Variants in SIPA1L3 observed in about 807,000 individuals in gnomAD.
SIPA1L3 encodes the protein signal induced proliferation associated 1 like 3, also known as signal-induced proliferation-associated 1-like protein 3.
A neutral mutation model predicts 150.1 loss-of-function variants in SIPA1L3; 59 were observed. The ratio of observed to expected loss-of-function variants is 0.39; its 90% confidence interval spans 0.32 to 0.49. The LOEUF (loss-of-function observed/expected upper bound fraction) is 0.49, where lower values mean the gene tolerates loss of function less well. Ranked by LOEUF, SIPA1L3 falls within the 20% of genes least tolerant of loss-of-function variation. The pLI is 0.86. For missense variants in SIPA1L3, 2,211 were observed against 2,489.5 expected (o/e 0.89, Z 2.38); for synonymous variants, 1,070 against 1,077.6 (o/e 0.99, Z 0.14).
intron 1 of SIPA1L3, among the ~76,000 whole-genome samples, chr19:37,920,658 G>T (rs1568463959): frequency 6.6e-6 from 1 of 152,172 alleles, no homozygotes; most frequent in Non-Finnish European, 1.5e-5. Flanking sequence ...TGTACATACA[G>T]GGGAATTCCC....
intron 1 of SIPA1L3, among the ~76,000 whole-genome samples, chr19:37,953,926 G>T (rs140684265): frequency 0.012 from 1,776 of 152,200 alleles, 27 homozygotes; most frequent in Middle Eastern, 0.024. Flanking sequence ...CTCCCCAAAA[G>T]AATTTTGATA....
At chr19:38,074,269 T>C (rs1392169552) in intron 2 of SIPA1L3, among the ~76,000 whole-genome samples, 2 of 152,210 alleles carry the variant, frequency 1.3e-5, no homozygotes, top group Non-Finnish European at 2.9e-5. Context: ...TGCAAGAACA[T>C]CTGTGTGTGT....
intron 1 of SIPA1L3, among the ~76,000 whole-genome samples, chr19:38,011,811 T>A (rs1968105749): frequency 6.6e-6 from 1 of 152,056 alleles, no homozygotes; most frequent in Admixed American, 6.6e-5. Context: ...AAAGGTGGCC[T>A]GGGGAGGCCA....
At chr19:38,171,212 G>A (rs76640144) in intron 15 of SIPA1L3, among the ~76,000 whole-genome samples, 4,229 of 152,014 alleles carry the variant, frequency 0.028, 190 homozygotes, top group African/African-American at 0.095. Context: ...GGGTGGTATC[G>A]TCAGGCCACT....
Position 37,937,741 on chromosome 19 carries a change from C to CAAAAAAAAAAAAAAAAAAA in SIPA1L3, c.-379+30388_-379+30406dup, listed in dbSNP as rs34881450. Among the ~76,000 whole-genome samples, 23 of 18,670 alleles carry CAAAAAAAAAAAAAAAAAAA rather than the reference C, an allele frequency of 1.2e-3. 5 individuals are homozygous for CAAAAAAAAAAAAAAAAAAA. The highest frequency in any genetic ancestry group is 3.0e-3 in the Admixed American group (4 of 1,352). 12.2% of individuals were successfully genotyped at this position (18,670 alleles called of 152,430 possible). On this transcript the variant is annotated intron_variant, in intron 1 of 21. Coordinates refer to ENST00000222345, the MANE Select transcript of SIPA1L3 (RefSeq NM_015073.3). ...AGGGCGACAGAGTGAAACCCTGTCT[C>CAAAAAAAAAAAAAAAAAAA]AAAAAAAAAAAAAAAAAAAAAAAGA...
rs1268948010 is a variant in SIPA1L3, at chr19:38,204,225, C to T, written c.5202+17C>T. ...CTGCAGAAGGTAAGGCCGGGGGCCA[C>T]GCCCTCTCCATCCCACTTCCCAGAC... On this transcript the variant is annotated intron_variant, in intron 21 of 21. Coordinates refer to ENST00000222345, the MANE Select transcript of SIPA1L3 (RefSeq NM_015073.3). 11 of 1,548,274 alleles carry T rather than the reference C, an allele frequency of 7.1e-6. No individual in the cohort carries two copies. In the Admixed American group the frequency reaches 9.7e-5, roughly 14 times the overall value.
intron 2 of SIPA1L3, among the ~76,000 whole-genome samples, chr19:38,072,128 G>T (rs1393240308): frequency 1.3e-5 from 2 of 152,204 alleles, no homozygotes; most frequent in African/African-American, 4.8e-5. Flanking sequence ...CTTGAGGTAA[G>T]AAGGGGCTGG....
At chr19:37,977,583 GC>G (rs537035094) in intron 1 of SIPA1L3, among the ~76,000 whole-genome samples, 15 of 150,372 alleles carry the variant, frequency 1.0e-4, no homozygotes, top group South Asian at 2.1e-4. Flanking sequence ...TCCCCTCCAC[GC>G]CCCCCCCCAC....
intron 10 of SIPA1L3, among the ~76,000 whole-genome samples, chr19:38,138,464 G>A (rs1253843823): frequency 6.6e-6 from 1 of 152,150 alleles, no homozygotes; most frequent in East Asian, 1.9e-4. Context: ...ACAAGACTAG[G>A]AGATGGGACA....
At chr19:37,925,048 CAA>C (rs753601542) in intron 1 of SIPA1L3, among the ~76,000 whole-genome samples, 24 of 84,166 alleles carry the variant, frequency 2.9e-4, no homozygotes, top group Admixed American at 3.9e-4. Context: ...GACTCTGTCT[CAA>C]AAAAAAAAAA....
chr19:38,052,986 C>T (rs941037), intron 2 of SIPA1L3, among the ~76,000 whole-genome samples: 61,529 of 152,152 alleles, frequency 0.4, 14,013 homozygotes, highest in African/African-American at 0.62. Flanking sequence ...CATGAGGTAC[C>T]AGCATCCTGG....
chr19:38,130,875 TAGGC>T (rs1971293331), intron 10 of SIPA1L3, 103 bp downstream of exon 10: 4 of 1,294,710 alleles, frequency 3.1e-6, no homozygotes, highest in Non-Finnish European at 4.2e-6. Context: ...AGAGGGGGGA[TAGGC>T]AGGCCCTTCT....
chr19:38,024,467 G>A (rs765023109), intron 1 of SIPA1L3, among the ~76,000 whole-genome samples: 1 of 152,024 alleles, frequency 6.6e-6, no homozygotes, highest in Non-Finnish European at 1.5e-5. Flanking sequence ...TTTACCCTCT[G>A]CAGTCTCCTC....
chr19:37,976,113 AAAAAAG>A (rs1568485998), intron 1 of SIPA1L3, among the ~76,000 whole-genome samples: 1 of 137,356 alleles, frequency 7.3e-6, no homozygotes, highest in Non-Finnish European at 1.7e-5. Context: ...TTAAAAAAAA[AAAAAAG>A]AAAGAAAAGA....
At chr19:38,017,824 C>G (rs1321333537) in intron 1 of SIPA1L3, among the ~76,000 whole-genome samples, 2 of 152,164 alleles carry the variant, frequency 1.3e-5, no homozygotes, top group Non-Finnish European at 2.9e-5. Context: ...ACCACCATGC[C>G]TGGCCTCTCT....
At chr19:38,092,063 C>CA (rs58074748) in intron 4 of SIPA1L3, among the ~76,000 whole-genome samples, 28,748 of 96,580 alleles carry the variant, frequency 0.3, 4,387 homozygotes, top group African/African-American at 0.5. Context: ...GACTCCATCT[C>CA]AAAAAAAAAA....
intron 2 of SIPA1L3, among the ~76,000 whole-genome samples, chr19:38,074,734 C>T (rs968877475): frequency 6.6e-6 from 1 of 152,214 alleles, no homozygotes; most frequent in Non-Finnish European, 1.5e-5. Flanking sequence ...TGTTTACCCT[C>T]ATTGTGTGTG....
At chr19:38,135,390 C>T (rs1318490251) in intron 10 of SIPA1L3, among the ~76,000 whole-genome samples, 2 of 152,168 alleles carry the variant, frequency 1.3e-5, no homozygotes, top group Non-Finnish European at 2.9e-5. Flanking sequence ...GGAGCCACAG[C>T]CCAGCCACAC....
chr19:38,190,090 A>T (rs971573785), intron 16 of SIPA1L3, among the ~76,000 whole-genome samples: 1 of 152,080 alleles, frequency 6.6e-6, no homozygotes, highest in Non-Finnish European at 1.5e-5. Flanking sequence ...TTTCTGAAGG[A>T]CGCGTTTCCA....
Sources: gnomAD v4.1 joint callset for allele counts (sites outside exome capture counted in the v4.1 genomes callset) on GRCh38, gnomAD v4.1.1 for gene constraint, MANE v1.5 for transcripts, NCBI Gene and HGNC (gene_info 2026-07-23, HGNC 2026-07-21) for gene names.